The following FBXL13 variants were observed in gnomAD, a reference collection of about 807,000 sequenced individuals.
FBXL13 encodes F-box and leucine-rich repeat protein 13.
Under a neutral mutation model 83.6 loss-of-function variants are expected in FBXL13, and 67 were observed. That is an observed-to-expected ratio of 0.80 (90% CI 0.66 to 0.98). The LOEUF (loss-of-function observed/expected upper bound fraction) is 0.98, where lower values mean the gene tolerates loss of function less well. Among genes scored for constraint, FBXL13 ranks in the 50% least tolerant of loss-of-function variants. The pLI, the probability that FBXL13 is intolerant of heterozygous loss-of-function variation, is 0.00. For missense variants in FBXL13, 822 were observed against 866.5 expected (o/e 0.95, Z 0.64); for synonymous variants, 272 against 299.5 (o/e 0.91, Z 0.95).
At chr7:102,859,568 G>A (rs1806512905) in intron 16 of FBXL13, among the ~76,000 whole-genome samples, 1 of 152,136 alleles carries the variant, frequency 6.6e-6, no homozygotes, top group Non-Finnish European at 1.5e-5. Flanking sequence ...CAAGGTTTTA[G>A]CCCTGGGAGG....
chr7:102,913,776 G>C (rs937509860), intron 10 of FBXL13, among the ~76,000 whole-genome samples: 75 of 152,198 alleles, frequency 4.9e-4, no homozygotes, highest in Admixed American at 1.9e-3. Flanking sequence ...ATGAGTTTGT[G>C]ACAGTTTCAT....
chr7:102,942,253 A>T, intron 8 of FBXL13: 1 of 1,550,902 alleles, frequency 6.4e-7, no homozygotes, highest in Non-Finnish European at 8.8e-7. Flanking sequence ...AAAATGACCT[A>T]AAGAAGTTTT....
intron 6 of FBXL13, among the ~76,000 whole-genome samples, chr7:103,024,135 AAGAGAGAGAGAGAG>A (rs59206823): frequency 0.077 from 7,422 of 96,706 alleles, 300 homozygotes; most frequent in Middle Eastern, 0.15. Flanking sequence ...AAAAGTTAAA[AAGAGAGAGAGAGAG>A]AGAGAGAGAG....
intron 8 of FBXL13, chr7:102,934,758 C>A: frequency 7.9e-7 from 1 of 1,271,752 alleles, no homozygotes; most frequent in Non-Finnish European, 1.1e-6. Flanking sequence ...ATCCTCCCTA[C>A]ATCCCACCAT....
chr7:103,050,881 A>C (rs565533821), intron 2 of FBXL13, among the ~76,000 whole-genome samples: 11 of 152,376 alleles, frequency 7.2e-5, no homozygotes, highest in Admixed American at 6.5e-4. Context: ...ATTAATCAAA[A>C]GAGAATAGCA....
intron 17 of FBXL13, among the ~76,000 whole-genome samples, chr7:102,852,013 T>G (rs1393642683): frequency 1.3e-5 from 2 of 152,190 alleles, no homozygotes; most frequent in Non-Finnish European, 2.9e-5. Flanking sequence ...GTATCTGGCA[T>G]AATTTTTCAA....
At chr7:103,070,454 G>A (rs1293669409) in intron 1 of FBXL13, among the ~76,000 whole-genome samples, 1 of 152,092 alleles carries the variant, frequency 6.6e-6, no homozygotes, top group Non-Finnish European at 1.5e-5. Context: ...GGCCTCAAGT[G>A]ATCCACCCAC....
chr7:103,018,819 C>G (rs926234560), intron 6 of FBXL13, among the ~76,000 whole-genome samples: 3 of 152,210 alleles, frequency 2.0e-5, no homozygotes, highest in Non-Finnish European at 4.4e-5. Context: ...CACCCAGATT[C>G]ATAAAGCAAG....
intron 2 of FBXL13, among the ~76,000 whole-genome samples, chr7:103,030,293 C>T (rs1270419766): frequency 1.3e-5 from 2 of 152,160 alleles, no homozygotes; most frequent in African/African-American, 4.8e-5. Context: ...TTTAGGCATA[C>T]AAGAAAGGCC....
At chr7:103,030,107 TACAA>T (rs1794348675) in intron 2 of FBXL13, 1 of 152,186 alleles carries the variant, frequency 6.6e-6, no homozygotes, top group African/African-American at 2.4e-5. Flanking sequence ...TATATAGATA[TACAA>T]ACATATGGTC....
At chr7:102,920,387 A>C (rs1480395600) in intron 10 of FBXL13, among the ~76,000 whole-genome samples, 1 of 151,766 alleles carries the variant, frequency 6.6e-6, no homozygotes, top group Non-Finnish European at 1.5e-5. Context: ...TTTTTTCTTG[A>C]GACAGGGTCT....
At chr7:102,945,229 T>C (rs181555371) in intron 8 of FBXL13, among the ~76,000 whole-genome samples, 32 of 152,306 alleles carry the variant, frequency 2.1e-4, no homozygotes, top group East Asian at 1.3e-3. Flanking sequence ...GAGAATTACA[T>C]TGGAAGCTGG....
intron 11 of FBXL13, among the ~76,000 whole-genome samples, chr7:102,893,605 A>G (rs1811809127): frequency 6.6e-6 from 1 of 151,996 alleles, no homozygotes; most frequent in African/African-American, 2.4e-5. Flanking sequence ...TCTCTACTAA[A>G]AATACAAAAA....
At chr7:102,939,764 C>A (rs1365015116) in intron 8 of FBXL13, among the ~76,000 whole-genome samples, 1 of 152,112 alleles carries the variant, frequency 6.6e-6, no homozygotes, top group Non-Finnish European at 1.5e-5. Flanking sequence ...TAAATACTTG[C>A]CAAAATGCTG....
At chr7:103,060,987 T>G (rs1021830814) in intron 1 of FBXL13, among the ~76,000 whole-genome samples, 1 of 152,218 alleles carries the variant, frequency 6.6e-6, no homozygotes, top group African/African-American at 2.4e-5. Flanking sequence ...TGGAAGTTAG[T>G]AAGTCACAAT....
intron 18 of FBXL13, among the ~76,000 whole-genome samples, chr7:102,824,265 T>G (rs1292088791): frequency 1.3e-5 from 2 of 152,180 alleles, no homozygotes; most frequent in Non-Finnish European, 1.5e-5. Context: ...TACTTTTGAT[T>G]CCTTGAAAAA....
At chr7:103,027,311 A>T (rs1348433452) in intron 5 of FBXL13, 138 bp downstream of exon 6, 3 of 571,552 alleles carry the variant, frequency 5.2e-6, no homozygotes, top group Admixed American at 3.3e-5. Context: ...AAATAAAAAT[A>T]AAAAAAAACA....
intron 6 of FBXL13, among the ~76,000 whole-genome samples, chr7:103,016,431 G>GGGTTCATCTCACTAACCGAGGTACCA (rs1254801686): frequency 2.8e-4 from 42 of 152,076 alleles, no homozygotes; most frequent in Non-Finnish European, 8.8e-5. Flanking sequence ...CTGAGGTACT[G>GGGTTCATCTCACTAACCGAGGTACCA]GGTTCATCTC....
chr7:102,877,020 G>C lies in FBXL13; in HGVS notation c.1635+447C>G, dbSNP rs1584743188. On this transcript the variant is annotated intron_variant, in intron 16 of 19. Transcript: ENST00000313221. ...TGATGAATACAATCAGCAGCTTGCA[G>C]GAAATGAATTCCATATCCTTTTGTA... is the stretch of plus-strand genomic sequence containing the variant. 2.6e-5 allele frequency among the ~76,000 whole-genome samples: 4 copies of C among 152,172 alleles called. 1 individual carries two copies. The South Asian group carries it at 8.3e-4, about 32-fold the overall frequency.
Sources: allele counts gnomAD v4.1 joint callset (sites outside exome capture counted in the v4.1 genomes callset), GRCh38; gene constraint gnomAD v4.1.1; transcripts MANE v1.5; gene names NCBI Gene and HGNC (gene_info 2026-07-23, HGNC 2026-07-21).